The following CHST6 variants were observed in gnomAD, a reference collection of about 807,000 sequenced individuals.
CHST6 encodes the protein N-acetylglucosamine 6-O-sulfotransferase 5.
For synonymous variants in CHST6, 309 were observed against 276.4 expected (o/e 1.12, Z -1.17); for missense variants, 698 against 586.2 (o/e 1.19, Z -1.97).
At chr16:75,491,190 A>AAAAAAAAAAAATAT (rs1206595857) in intron 1 of CHST6, among the ~76,000 whole-genome samples, 1 of 50,074 alleles carries the variant, frequency 2.0e-5, no homozygotes, top group African/African-American at 1.1e-4. Flanking sequence ...AAAAAAAAAA[A>AAAAAAAAAAAATAT]ATATATATAT....
In CHST6 at chr16:75,479,163, G is replaced by A. The variant is rs148529501; in HGVS notation, c.666C>T (p.Asn222=). 813 of 1,607,734 alleles carry A rather than the reference G, an allele frequency of 5.1e-4. 6 individuals carry two copies. In the African/African-American group the frequency reaches 9.9e-3, roughly 20 times the overall value. ...EQTAKALARD[N]GIVLGTNGTW... The stretch of plus-strand genomic sequence containing the variant: ...TGCCGTTGGTGCCCAGCACGATGCC[G>A]TTGTCACGCGCCAGAGCCTTGGCTG... Residue 222 remains asparagine (N), a synonymous_variant, in exon 3 of 3, where the codon AAC becomes AAT. Transcript: ENST00000332272.
intron 1 of CHST6, among the ~76,000 whole-genome samples, chr16:75,483,421 T>A (rs1362790878): frequency 1.3e-5 from 2 of 152,208 alleles, no homozygotes; most frequent in African/African-American, 2.4e-5. Context: ...GAGATCCTAT[T>A]ACTGAAACTC....
intron 1 of CHST6, among the ~76,000 whole-genome samples, chr16:75,493,741 C>T (rs892542244): frequency 1.3e-5 from 2 of 152,158 alleles, no homozygotes; most frequent in Non-Finnish European, 2.9e-5. Context: ...ATGGCTCTAC[C>T]AGATTCAGGT....
chr16:75,479,055 G>T lies in CHST6; in HGVS notation c.774C>A (p.Leu258=). 6.2e-7 allele frequency: 1 copy of T among 1,607,610 alleles called. No homozygotes were observed. Residue 258 remains leucine, a synonymous_variant, in exon 3 of 3, where the codon CTC becomes CTA. Coordinates refer to ENST00000332272, the MANE Select transcript of CHST6 (RefSeq NM_021615.5). Reference sequence around the variant, plus strand: ...GGCCGCGCAGAAAGGGTGGCGGCTTGAGTGTGGCGGCCTCGGCGATGCGTA... The same window carrying T: ...GGCCGCGCAGAAAGGGTGGCGGCTTTAGTGTGGCGGCCTCGGCGATGCGTA... ...SHVRIAEAAT[L]KPPPFLRGRY...
At chr16:75,485,701 G>A (rs796786893) in intron 1 of CHST6, among the ~76,000 whole-genome samples, 2 of 152,184 alleles carry the variant, frequency 1.3e-5, no homozygotes, top group African/African-American at 4.8e-5. Flanking sequence ...ATAGAGAAGA[G>A]ATAAGATCAG....
At chr16:75,486,520 C>T (rs374289873) in intron 1 of CHST6, among the ~76,000 whole-genome samples, 4 of 152,176 alleles carry the variant, frequency 2.6e-5, no homozygotes, top group Admixed American at 6.5e-5. Flanking sequence ...CTGACCCTGC[C>T]CCCCCAGCCC....
chr16:75,487,526 C>T (rs189408700), intron 1 of CHST6, among the ~76,000 whole-genome samples: 8 of 151,942 alleles, frequency 5.3e-5, no homozygotes, highest in Admixed American at 4.6e-4. Context: ...TTTGGCCAGG[C>T]GTGGTGGCTC....
At chr16:75,487,227 G>A (rs752744667) in intron 1 of CHST6, among the ~76,000 whole-genome samples, 2 of 152,174 alleles carry the variant, frequency 1.3e-5, no homozygotes, top group Non-Finnish European at 2.9e-5. Context: ...ACCTAGGAAG[G>A]AGCTATGGTT....
chr16:75,488,193 G>A (rs2080221514), intron 1 of CHST6, among the ~76,000 whole-genome samples: 1 of 152,142 alleles, frequency 6.6e-6, no homozygotes, highest in African/African-American at 2.4e-5. Flanking sequence ...CCTGGGCACG[G>A]TGGCTCATGT....
intron 1 of CHST6, among the ~76,000 whole-genome samples, chr16:75,488,134 C>G (rs906957080): frequency 6.6e-6 from 1 of 152,178 alleles, no homozygotes; most frequent in Non-Finnish European, 1.5e-5. Context: ...TTAGATTTCT[C>G]TGTTTAGAGT....
chr16:75,479,001 C>T lies in CHST6; in HGVS notation c.828G>A (p.Leu276=), dbSNP rs140327212. ...GRYRLVRFED[L]AREPLAEIRA... is the part of the protein sequence containing the mutation. ...GGATTTCTGCCAGCGGCTCCCGCGC[C>T]AGGTCCTCGAAGCGCACCAGGCGGT... Residue 276 remains leucine (L), a synonymous_variant, in exon 3 of 3, where the codon CTG becomes CTA. Transcript: ENST00000332272. 1,893 of 1,612,108 alleles carry T rather than the reference C, an allele frequency of 1.2e-3. 5 individuals carry two copies. The highest frequency in any genetic ancestry group is 1.4e-3 in the Non-Finnish European group (1,639 of 1,179,924).
chr16:75,479,030 G>A lies in CHST6; in HGVS notation c.799C>T (p.Arg267Cys), dbSNP rs750027288. 2.5e-5 allele frequency: 41 copies of A among 1,609,798 alleles called. No individual in the cohort carries two copies. The highest frequency in any genetic ancestry group is 2.5e-4 in the African/African-American group (19 of 74,930). Residue 267 changes from arginine to cysteine, a missense_variant, in exon 3 of 3, where the codon CGC (arginine) becomes TGC (cysteine). Arg to Cys is a radical substitution (Grantham distance 180). Coordinates refer to ENST00000332272, the MANE Select transcript of CHST6 (RefSeq NM_021615.5). ...TCCTCGAAGCGCACCAGGCGGTAGC[G>A]GCCGCGCAGAAAGGGTGGCGGCTTG... ...TLKPPPFLRG[R>C]YRLVRFEDLA...
chr16:75,478,706 C>G lies in CHST6; in HGVS notation c.1123G>C (p.Val375Leu), dbSNP rs368815153. 8.7e-6 allele frequency: 14 copies of G among 1,613,688 alleles called. No homozygotes were observed. Among genetic ancestry groups the G allele is most frequent in the Non-Finnish European group, 1.2e-5 (14 of 1,180,028 alleles). The change falls in exon 3 of 3, where the codon GTG (valine) becomes CTG (leucine). Residue 375 changes from valine to leucine, a missense_variant. Transcript: ENST00000332272. ...AAGCCGTTCAGGCCTCGTGGCAGCA[C>G]CAGATCAAGGGCGAGGTTGCGCTGC... ...DEQRNLALDLVLPRGLNGFTW... is the reference protein window; with the variant it reads ...DEQRNLALDLLLPRGLNGFTW...
chr16:75,479,675 C>A lies in CHST6; in HGVS notation c.154G>T (p.Gly52Cys), dbSNP rs753642321. 8.1e-6 allele frequency: 13 copies of A among 1,612,448 alleles called. No homozygotes were observed. Among genetic ancestry groups the A allele is most frequent in the Non-Finnish European group, 1.0e-5 (12 of 1,179,638 alleles). The change falls in exon 3 of 3, where the codon GGC (glycine) becomes TGC (cysteine). Residue 52 changes from glycine (G) to cysteine (C), a missense_variant. Gly to Cys is a radical substitution (Grantham distance 159). Coordinates refer to ENST00000332272, the MANE Select transcript of CHST6 (RefSeq NM_021615.5). Reference protein sequence around the residue: ...HVLVLSSWRSGSSFVGQLFNQ... With the variant: ...HVLVLSSWRSCSSFVGQLFNQ... ...AAGAGTTGGCCCACGAAGGACGAGC[C>A]CGAGCGCCACGAGGACAGCACCAGC...
Position 75,474,150 on chromosome 16 carries a change from G to A in CHST6, c.*4491C>T, listed in dbSNP as rs1434741705. ...AGATGGCGCCACTGCACTCCAGCCT[G>A]GGGGACAAGAGCAAGACTCTGCCTC... On this transcript the variant is annotated 3_prime_UTR_variant, in exon 3 of 3. Transcript: ENST00000332272. 6.6e-6 allele frequency: 1 copy of A among 152,438 alleles called. No individual in the cohort carries two copies. The highest frequency in any genetic ancestry group is 2.4e-5 in the African/African-American group (1 of 41,460). 9.4% of individuals were successfully genotyped at this position (152,438 alleles called of 1,614,324 possible).
Position 75,478,788 on chromosome 16 carries a change from T to G in CHST6, c.1041A>C (p.Glu347Asp). 1 of 1,613,458 alleles carries G rather than the reference T, an allele frequency of 6.2e-7. No homozygotes were observed. The highest frequency in any genetic ancestry group is 1.1e-5 in the South Asian group (1 of 91,086). ...LPFAKIRRVQELCAGALQLLG... is the reference protein window; with the variant it reads ...LPFAKIRRVQDLCAGALQLLG... ...GCAGCTGCAGCGCACCAGCGCACAG[T>G]TCCTGCACGCGGCGGATCTTGGCAA... Residue 347 changes from glutamate (E) to aspartate (D), a missense_variant, in exon 3 of 3, where the codon GAA becomes GAC. Coordinates refer to ENST00000332272, the MANE Select transcript of CHST6 (RefSeq NM_021615.5).
Position 75,478,803 on chromosome 16 carries a change from G to T in CHST6, c.1026C>A (p.Ile342=), listed in dbSNP as rs2080097247. Reference sequence around the variant, plus strand: ...CAGCGCACAGTTCCTGCACGCGGCGGATCTTGGCAAAGGGCAGCGCATGGC... The same window carrying T: ...CAGCGCACAGTTCCTGCACGCGGCGTATCTTGGCAAAGGGCAGCGCATGGC... The part of the protein sequence containing the change: ...AWRHALPFAK[I]RRVQELCAGA... Residue 342 remains isoleucine, a synonymous_variant, in exon 3 of 3, where the codon ATC becomes ATA. Transcript: ENST00000332272. 15 of 1,613,398 alleles carry T rather than the reference G, an allele frequency of 9.3e-6. No individual in the cohort carries two copies. In the East Asian group the frequency reaches 3.1e-4, roughly 34 times the overall value.
chr16:75,478,783 C>T lies in CHST6; in HGVS notation c.1046G>A (p.Cys349Tyr), dbSNP rs747897373. 6.2e-7 allele frequency: 1 copy of T among 1,613,494 alleles called. No homozygotes were observed. The highest frequency in any genetic ancestry group is 8.5e-7 in the Non-Finnish European group (1 of 1,179,996). The change falls in exon 3 of 3, where the codon TGC becomes TAC. Residue 349 changes from cysteine to tyrosine, a missense_variant. Transcript: ENST00000332272. ...FAKIRRVQEL[C>Y]AGALQLLGYR... ...GCCCAGCAGCTGCAGCGCACCAGCG[C>T]ACAGTTCCTGCACGCGGCGGATCTT...
In CHST6 at chr16:75,474,507, C is replaced by T. The variant is rs2080047217; in HGVS notation, c.*4134G>A. ...CCCAGGCTGGTCTTGAGTGCCTGGTCTCAAGTGATCCTCCTGCCTCAGCCT... is the reference window on the plus strand; with the variant it reads ...CCCAGGCTGGTCTTGAGTGCCTGGTTTCAAGTGATCCTCCTGCCTCAGCCT... On this transcript the variant is annotated 3_prime_UTR_variant, in exon 3 of 3. Coordinates refer to ENST00000332272, the MANE Select transcript of CHST6 (RefSeq NM_021615.5). The T allele has an allele frequency of 2.5e-6, 1 of 396,446 alleles. No individual in the cohort carries two copies. The highest frequency in any genetic ancestry group is 4.4e-6 in the Non-Finnish European group (1 of 225,294). 24.6% of individuals were successfully genotyped at this position (396,446 alleles called of 1,614,324 possible).
Sources: allele counts gnomAD v4.1 joint callset (sites outside exome capture counted in the v4.1 genomes callset), GRCh38; gene constraint gnomAD v4.1.1; transcripts MANE v1.5; gene names NCBI Gene and HGNC (gene_info 2026-07-23, HGNC 2026-07-21).